The following SOCS2 variants were observed in gnomAD, a reference collection of about 807,000 sequenced individuals.
SOCS2 encodes the protein CIS-2.
SOCS2 carries 10 observed loss-of-function variants against 18.6 expected under a neutral mutation model. The observed-to-expected ratio is 0.54, with a 90% CI of 0.33 to 0.91. SOCS2 has a LOEUF of 0.91. SOCS2 is among the 40% of genes least tolerant of loss of function. The pLI is 0.02. For synonymous variants in SOCS2, 104 were observed against 104.0 expected (o/e 1.00, Z 0.00); for missense variants, 231 against 247.2 (o/e 0.93, Z 0.44).
the SOCS2 span, among the ~76,000 whole-genome samples, chr12:93,605,569 A>G: frequency 1.3e-5 from 2 of 152,162 alleles, no homozygotes; most frequent in African/African-American, 4.8e-5. Flanking sequence ...TCAAGCAGAA[A>G]CTGGTCCCTT....
intron 1 of SOCS2, 40 bp from the exon 2 acceptor site, chr12:93,574,682 T>C: frequency 1.4e-6 from 2 of 1,415,576 alleles, no homozygotes; most frequent in Non-Finnish European, 1.9e-6. Flanking sequence ...TAATAACTGT[T>C]TTACCCTCTT....
chr12:93,578,096 A>G (rs897909007), downstream of SOCS2, among the ~76,000 whole-genome samples: 7 of 152,184 alleles, frequency 4.6e-5, no homozygotes, highest in Non-Finnish European at 1.0e-4. Flanking sequence ...TACAGTGAGC[A>G]GTGGTGATTG....
At chr12:93,572,659 C>G (rs1164366628), upstream of SOCS2, 13 of 701,234 alleles carry the variant, frequency 1.9e-5, no homozygotes, top group Non-Finnish European at 7.7e-6. This position sits in a 1 kb window ranked among gnomAD's most constrained non-coding sequence, Gnocchi z 5.0. Flanking sequence ...TTTGGACTGA[C>G]CCAACCTCCC....
chr12:93,610,615 G>T, the SOCS2 span, among the ~76,000 whole-genome samples: 1 of 152,208 alleles, frequency 6.6e-6, no homozygotes, highest in Non-Finnish European at 1.5e-5. Context: ...GGGCACTCCA[G>T]TTCATGAATG....
In SOCS2 at chr12:93,573,038, T is replaced by C. The variant is rs749090349; in HGVS notation, c.139+2T>C. 2 of 1,562,174 alleles carry C rather than the reference T, an allele frequency of 1.3e-6. No individual in the cohort carries two copies. The highest frequency in any genetic ancestry group is 1.7e-6 in the Non-Finnish European group (2 of 1,159,054). ...CCCTGCGGGAGCTCGGTCAGACAGG[T>C]AGGGAGCCGATCGGCCGCGACGCGT... On this transcript the variant is annotated splice_donor_variant, in intron 1 of 1. Transcript: ENST00000551556. LOFTEE classifies it high-confidence loss of function.
In SOCS2 at chr12:93,575,222, G is replaced by A. The variant is rs531906937; in HGVS notation, c.*43G>A. The A allele has an allele frequency of 2.6e-5, 36 of 1,406,288 alleles. No individual in the cohort carries two copies. In the East Asian group the frequency reaches 3.6e-4, roughly 14 times the overall value. 87.1% of individuals were successfully genotyped at this position (1,406,288 alleles called of 1,614,324 possible). On this transcript the variant is annotated 3_prime_UTR_variant, in exon 2 of 2. Coordinates refer to ENST00000551556, the MANE Select transcript of SOCS2 (RefSeq NM_001270471.2). ...AACATGTCTCACATAGAGTATCTCCGAATGCAGCTATGTAAAAGAGAACCA... is the reference window on the plus strand; with the variant it reads ...AACATGTCTCACATAGAGTATCTCCAAATGCAGCTATGTAAAAGAGAACCA...
downstream of SOCS2, among the ~76,000 whole-genome samples, chr12:93,585,436 G>T (rs958030834): frequency 6.6e-6 from 1 of 152,060 alleles, no homozygotes; most frequent in Non-Finnish European, 1.5e-5. Context: ...TGACAGATTG[G>T]CCAGAACTCT....
chr12:93,614,789 A>G, the SOCS2 span, among the ~76,000 whole-genome samples: 9 of 150,376 alleles, frequency 6.0e-5, no homozygotes, highest in South Asian at 2.1e-4. Context: ...AAATCTTTCT[A>G]TTTTAGTAGG....
downstream of SOCS2, among the ~76,000 whole-genome samples, chr12:93,580,341 G>C (rs538156272): frequency 3.3e-5 from 5 of 152,200 alleles, no homozygotes; most frequent in South Asian, 1.0e-3. Context: ...ATCCATGTTA[G>C]CCAGGCACAG....
chr12:93,598,348 A>G, the SOCS2 span, among the ~76,000 whole-genome samples: 11 of 152,012 alleles, frequency 7.2e-5, no homozygotes, highest in Non-Finnish European at 1.5e-4. Flanking sequence ...AGGTGGGAGG[A>G]GAGGGGGAGA....
chr12:93,608,955 T>A, the SOCS2 span, among the ~76,000 whole-genome samples: 1 of 152,186 alleles, frequency 6.6e-6, no homozygotes, highest in Non-Finnish European at 1.5e-5. Flanking sequence ...GGGTAAGTAT[T>A]TACCTTAATA....
chr12:93,607,345 G>A, the SOCS2 span, among the ~76,000 whole-genome samples: 2 of 152,082 alleles, frequency 1.3e-5, no homozygotes, highest in Admixed American at 1.3e-4. Context: ...TTTGATAAGG[G>A]AGTGATCCCT....
chr12:93,611,106 AG>A, the SOCS2 span, among the ~76,000 whole-genome samples: 1 of 152,172 alleles, frequency 6.6e-6, no homozygotes, highest in African/African-American at 2.4e-5. Flanking sequence ...TAGACTGGCC[AG>A]GAGATGAACT....
the SOCS2 span, among the ~76,000 whole-genome samples, chr12:93,597,403 T>C: frequency 6.6e-6 from 1 of 152,098 alleles, no homozygotes; most frequent in Admixed American, 6.5e-5. Context: ...AAAACCTCCT[T>C]CTCCTGGGTT....
Position 93,575,368 on chromosome 12 carries a change from A to G in SOCS2, c.*189A>G. 2.4e-6 allele frequency: 1 copy of G among 409,148 alleles called. No homozygotes were observed. The allele number at this position is 409,148 out of a possible 1,614,324, so 25.3% of individuals were successfully genotyped here. A position where few individuals can be genotyped will look rare whatever the true frequency, so the allele number is the denominator to read the frequency against. On this transcript the variant is annotated 3_prime_UTR_variant, in exon 2 of 2. Coordinates refer to ENST00000551556, the MANE Select transcript of SOCS2 (RefSeq NM_001270471.2). ...GTTTAAAGTTCCTCCAGATACTTTT[A>G]CCTGAGTGATGCTTCCCTTCCTAAG...
At chr12:93,593,234 A>G in the SOCS2 span, among the ~76,000 whole-genome samples, 1 of 152,154 alleles carries the variant, frequency 6.6e-6, no homozygotes, top group East Asian at 1.9e-4. Flanking sequence ...ACCCGACTCT[A>G]TATCTAGATC....
At chr12:93,601,448 G>A in the SOCS2 span, among the ~76,000 whole-genome samples, 1,779 of 151,920 alleles carry the variant, frequency 0.012, 44 homozygotes, top group African/African-American at 0.041. Context: ...CTTTTCAGTA[G>A]AGACTGGGTT....
the SOCS2 span, among the ~76,000 whole-genome samples, chr12:93,601,478 G>A: frequency 6.6e-6 from 1 of 151,986 alleles, no homozygotes; most frequent in Non-Finnish European, 1.5e-5. Flanking sequence ...TGGCCAGGCT[G>A]TTGTATTTTT....
the SOCS2 span, among the ~76,000 whole-genome samples, chr12:93,620,027 T>C: frequency 6.6e-6 from 1 of 152,238 alleles, no homozygotes; most frequent in Non-Finnish European, 1.5e-5. Context: ...TGAAATATCT[T>C]GGAATTGGAA....
Sources: allele counts gnomAD v4.1 joint callset (sites outside exome capture counted in the v4.1 genomes callset), GRCh38; gene constraint gnomAD v4.1.1; non-coding constraint Gnocchi (gnomAD v3.1); transcripts MANE v1.5; gene names NCBI Gene and HGNC (gene_info 2026-07-23, HGNC 2026-07-21).